The following NRXN1 variants were observed in gnomAD, a reference collection of about 807,000 sequenced individuals.
The protein encoded by NRXN1 is neurexin-1.
A neutral mutation model predicts 150.9 loss-of-function variants in NRXN1; 39 were observed. The observed-to-expected ratio is 0.26, with a 90% CI of 0.20 to 0.34. The LOEUF is 0.34. Among genes scored for constraint, NRXN1 ranks in the 10% least tolerant of loss-of-function variants. The pLI is 1.00. For missense variants in NRXN1, 1,815 were observed against 1,949.9 expected (o/e 0.93, Z 1.30); for synonymous variants, 924 against 757.0 (o/e 1.22, Z -3.62).
intron 17 of NRXN1, among the ~76,000 whole-genome samples, chr2:50,382,127 C>T (rs545367924): frequency 4.4e-4 from 67 of 152,186 alleles, no homozygotes; most frequent in Non-Finnish European, 5.1e-4. Flanking sequence ...AGACCTATTA[C>T]TCTATTTATG....
At chr2:50,685,328 A>G (rs1336481033) in intron 5 of NRXN1, among the ~76,000 whole-genome samples, 2 of 152,158 alleles carry the variant, frequency 1.3e-5, no homozygotes, top group South Asian at 2.1e-4. Flanking sequence ...TAAAGCCAAC[A>G]CACTCAGGAA....
At chr2:50,784,835 T>C (rs1427226994) in intron 5 of NRXN1, among the ~76,000 whole-genome samples, 1 of 151,984 alleles carries the variant, frequency 6.6e-6, no homozygotes, top group Non-Finnish European at 1.5e-5. Context: ...GGAAGATCCA[T>C]AGTGGGGGCA....
intron 5 of NRXN1, among the ~76,000 whole-genome samples, chr2:50,888,021 A>C (rs1044956291): frequency 1.3e-5 from 2 of 151,376 alleles, no homozygotes; most frequent in Non-Finnish European, 3.0e-5. Context: ...ATTTTCATTT[A>C]CATGGTCTGT....
intron 18 of NRXN1, among the ~76,000 whole-genome samples, chr2:50,169,759 T>C (rs1467288843): frequency 1.3e-5 from 2 of 148,250 alleles, no homozygotes; most frequent in Admixed American, 6.7e-5. Flanking sequence ...ATGAGGTAGA[T>C]GGAGGACGGG....
chr2:50,697,527 G>T (rs1204789714), intron 5 of NRXN1, among the ~76,000 whole-genome samples: 1 of 152,146 alleles, frequency 6.6e-6, no homozygotes, highest in East Asian at 1.9e-4. Context: ...CCTTCATCTT[G>T]AACGTAATGA....
intron 21 of NRXN1, among the ~76,000 whole-genome samples, chr2:49,987,081 C>T (rs544253737): frequency 2.0e-5 from 3 of 151,956 alleles, no homozygotes; most frequent in Non-Finnish European, 2.9e-5. Flanking sequence ...TATTATTAAC[C>T]ATATTTACCC....
chr2:50,014,845 A>G (rs1400122293), intron 21 of NRXN1, among the ~76,000 whole-genome samples: 2 of 152,168 alleles, frequency 1.3e-5, no homozygotes, highest in Non-Finnish European at 2.9e-5. Flanking sequence ...AAAAAAAGAA[A>G]TAGCCCAGTG....
At chr2:50,650,849 C>A (rs1433449182) in intron 5 of NRXN1, among the ~76,000 whole-genome samples, 1 of 151,978 alleles carries the variant, frequency 6.6e-6, no homozygotes, top group African/African-American at 2.4e-5. Flanking sequence ...TTAGCACTGT[C>A]TAGCTTAAAA....
intron 15 of NRXN1, among the ~76,000 whole-genome samples, chr2:50,474,834 C>A (rs2104730395): frequency 8.2e-6 from 1 of 121,902 alleles, no homozygotes; most frequent in East Asian, 2.2e-4. Flanking sequence ...CGCCCGCCCC[C>A]CTACCAAAAA....
intron 21 of NRXN1, among the ~76,000 whole-genome samples, chr2:50,038,594 T>G (rs1158274983): frequency 1.3e-5 from 2 of 152,114 alleles, no homozygotes; most frequent in Non-Finnish European, 2.9e-5. Context: ...CCCAGCTAAG[T>G]TTTTCTGGGA....
intron 12 of NRXN1, among the ~76,000 whole-genome samples, chr2:50,520,187 T>C (rs2092747078): frequency 6.6e-6 from 1 of 151,964 alleles, no homozygotes; most frequent in Non-Finnish European, 1.5e-5. Context: ...GTATTTTCTG[T>C]TTCCTTTAGC....
chr2:50,312,304 A>G (rs2075248987), intron 17 of NRXN1, among the ~76,000 whole-genome samples: 1 of 152,100 alleles, frequency 6.6e-6, no homozygotes, highest in Admixed American at 6.6e-5. Flanking sequence ...AAGTTGAACA[A>G]AGATATGCAG....
At chr2:50,838,220 T>TA (rs1351274387) in intron 5 of NRXN1, among the ~76,000 whole-genome samples, 3 of 152,160 alleles carry the variant, frequency 2.0e-5, no homozygotes, top group Non-Finnish European at 1.5e-5. Context: ...TGAAAACTAT[T>TA]ATAAACAGTG....
chr2:50,567,659 C>T (rs1269386600), intron 8 of NRXN1, among the ~76,000 whole-genome samples: 1 of 152,046 alleles, frequency 6.6e-6, no homozygotes. Context: ...GATTAATGAA[C>T]TCCATTTAAT....
chr2:49,962,191 A>G (rs1477422225), intron 21 of NRXN1, among the ~76,000 whole-genome samples: 1 of 152,234 alleles, frequency 6.6e-6, no homozygotes, highest in Non-Finnish European at 1.5e-5. Context: ...GTTTCTTCAT[A>G]GATACCAATC....
chr2:50,517,825 G>A (rs145669513), intron 12 of NRXN1, among the ~76,000 whole-genome samples: 6 of 152,216 alleles, frequency 3.9e-5, no homozygotes, highest in African/African-American at 1.2e-4. Context: ...TGTGACCTTG[G>A]AGAGTTGTTG....
chr2:50,911,428 C>A (rs550634728), intron 5 of NRXN1, among the ~76,000 whole-genome samples: 114 of 151,612 alleles, frequency 7.5e-4, no homozygotes, highest in Non-Finnish European at 1.4e-3. Flanking sequence ...AATTTCTATA[C>A]CTGAGTCTGT....
intron 4 of NRXN1, 183 bp downstream of exon 4, chr2:50,922,475 C>A: frequency 1.4e-6 from 1 of 710,674 alleles, no homozygotes. Context: ...CAGGAACAAA[C>A]CAAAATCAAA....
At chr2:50,971,560 G>A (rs1695004397) in intron 2 of NRXN1, among the ~76,000 whole-genome samples, 1 of 151,850 alleles carries the variant, frequency 6.6e-6, no homozygotes. Flanking sequence ...TCCAGCCTGG[G>A]TGACAAGAGC....
Sources: gnomAD v4.1 joint callset for allele counts (sites outside exome capture counted in the v4.1 genomes callset) on GRCh38, gnomAD v4.1.1 for gene constraint, MANE v1.5 for transcripts, NCBI Gene and HGNC (gene_info 2026-07-23, HGNC 2026-07-21) for gene names.